Variants in DNM3 observed in about 807,000 individuals in gnomAD.
DNM3 encodes the protein dynamin-3.
A neutral mutation model predicts 101.6 loss-of-function variants in DNM3; 47 were observed. The ratio of observed to expected loss-of-function variants is 0.46; its 90% CI spans 0.37 to 0.59. The LOEUF (loss-of-function observed/expected upper bound fraction) is 0.59. DNM3 is among the 20% of genes least tolerant of loss of function. The pLI, the probability that DNM3 is intolerant of heterozygous loss-of-function variation, is 0.00. For missense variants in DNM3, 849 were observed against 1,085.7 expected, an observed-to-expected ratio of 0.78 and a Z score of 3.06; for synonymous variants, 385 against 387.9, an observed-to-expected ratio of 0.99 and a Z score of 0.09.
chr1:172,016,024 A>T (rs2047428514), intron 4 of DNM3, among the ~76,000 whole-genome samples: 2 of 77,786 alleles, frequency 2.6e-5, no homozygotes, highest in East Asian at 1.1e-3. Context: ...AAAATTACAA[A>T]AAAAAAAAAA....
At chr1:172,401,017 C>T (rs1170434717) in intron 20 of DNM3, among the ~76,000 whole-genome samples, 1 of 152,182 alleles carries the variant, frequency 6.6e-6, no homozygotes. Context: ...TAACTTGTCT[C>T]TCTCCATCTC....
At chr1:172,082,138 C>G (rs2053198884) in intron 12 of DNM3, among the ~76,000 whole-genome samples, 1 of 152,182 alleles carries the variant, frequency 6.6e-6, no homozygotes, top group Non-Finnish European at 1.5e-5. Flanking sequence ...GTATGTCTTA[C>G]ATACTTATCA....
At chr1:172,106,844 A>ATT (rs1289662689) in intron 13 of DNM3, among the ~76,000 whole-genome samples, 2 of 51,052 alleles carry the variant, frequency 3.9e-5, no homozygotes, top group Non-Finnish European at 8.3e-5. Context: ...AGGTAACATT[A>ATT]TTCTTTTTTT....
chr1:172,392,399 A>T (rs1416022507), intron 20 of DNM3, among the ~76,000 whole-genome samples: 3 of 143,522 alleles, frequency 2.1e-5, no homozygotes, highest in African/African-American at 7.5e-5. Flanking sequence ...AAGGGGCTAA[A>T]TGCTGTTTGA....
intron 17 of DNM3, among the ~76,000 whole-genome samples, chr1:172,328,118 A>G (rs2066015775): frequency 6.6e-6 from 1 of 152,172 alleles, no homozygotes; most frequent in South Asian, 2.1e-4. Flanking sequence ...AGCTTATAGT[A>G]GATTATAATA....
intron 14 of DNM3, among the ~76,000 whole-genome samples, chr1:172,186,471 G>C (rs1358507859): frequency 1.3e-5 from 2 of 151,762 alleles, no homozygotes; most frequent in African/African-American, 4.8e-5. Flanking sequence ...AAATAATATA[G>C]AAGAGATATA....
In DNM3 at chr1:172,109,415, G is replaced by A. The variant is rs188897750; in HGVS notation, c.1545+16540G>A. ...GCATTTCATTTTCAAATGCCTGGTC[G>A]CAGGATCCATGTCCTGGAGGAAGGA... On this transcript the variant is annotated intron_variant, in intron 13 of 20. Coordinates refer to ENST00000627582, the MANE Select transcript of DNM3 (RefSeq NM_015569.5). 5.7e-3 allele frequency among the ~76,000 whole-genome samples: 863 copies of A among 152,244 alleles called. 6 individuals are homozygous for A. Among genetic ancestry groups the A allele is most frequent in the Non-Finnish European group, 9.3e-3 (630 of 68,004 alleles).
At chr1:172,243,719 C>T (rs2061833986) in intron 14 of DNM3, among the ~76,000 whole-genome samples, 1 of 152,144 alleles carries the variant, frequency 6.6e-6, no homozygotes, top group Non-Finnish European at 1.5e-5. Context: ...TTAAAAAGTG[C>T]TGTTGATGAG....
At chr1:172,265,236 A>C (rs1406331787) in intron 15 of DNM3, among the ~76,000 whole-genome samples, 1 of 142,636 alleles carries the variant, frequency 7.0e-6, no homozygotes, top group Non-Finnish European at 1.5e-5. Context: ...GGGAATTAAT[A>C]CATTTAACAT....
chr1:172,061,426 T>C (rs2051191743), intron 10 of DNM3, among the ~76,000 whole-genome samples: 1 of 150,546 alleles, frequency 6.6e-6, no homozygotes, highest in South Asian at 2.1e-4. Context: ...CTATTCACAA[T>C]AGCAAAGACT....
intron 15 of DNM3, among the ~76,000 whole-genome samples, chr1:172,265,423 A>T (rs1205833867): frequency 6.6e-6 from 1 of 152,090 alleles, no homozygotes; most frequent in African/African-American, 2.4e-5. Flanking sequence ...TCACACTCAG[A>T]CTGGTTTAGC....
chr1:172,086,848 C>T (rs1321564189), intron 12 of DNM3, among the ~76,000 whole-genome samples: 1 of 152,132 alleles, frequency 6.6e-6, no homozygotes, highest in Non-Finnish European at 1.5e-5. Flanking sequence ...ATAATCTGTG[C>T]TGTTCAGTAC....
chr1:171,886,944 T>C (rs1297581935), intron 1 of DNM3, among the ~76,000 whole-genome samples: 2 of 152,238 alleles, frequency 1.3e-5, no homozygotes, highest in Non-Finnish European at 2.9e-5. Context: ...AAGAAAGTTA[T>C]TTCCCTTTGG....
At chr1:172,277,982 G>A (rs1436421011) in intron 15 of DNM3, among the ~76,000 whole-genome samples, 1 of 152,074 alleles carries the variant, frequency 6.6e-6, no homozygotes, top group Admixed American at 6.6e-5. Flanking sequence ...TGTTCCTAAA[G>A]GAAAGCATCT....
intron 17 of DNM3, among the ~76,000 whole-genome samples, chr1:172,350,187 A>G (rs765522975): frequency 2.6e-5 from 4 of 152,182 alleles, no homozygotes; most frequent in Non-Finnish European, 5.9e-5. Context: ...CAAAGAATAT[A>G]ATAAATGAAA....
chr1:172,064,117 G>T (rs1572343438), intron 10 of DNM3, among the ~76,000 whole-genome samples: 3 of 152,090 alleles, frequency 2.0e-5, no homozygotes, highest in Non-Finnish European at 2.9e-5. Context: ...ATAAATTTAG[G>T]AATGTAATTA....
chr1:172,023,340 G>A (rs1440935994), intron 4 of DNM3, among the ~76,000 whole-genome samples: 2 of 151,950 alleles, frequency 1.3e-5, no homozygotes, highest in South Asian at 2.1e-4. Context: ...CTTTAACAGC[G>A]TTCTTAAAAA....
chr1:171,984,929 A>G (rs187741548), intron 2 of DNM3, among the ~76,000 whole-genome samples: 5 of 152,366 alleles, frequency 3.3e-5, no homozygotes, highest in Admixed American at 1.3e-4. Flanking sequence ...GTCCTGAACA[A>G]TTATCATCTC....
At chr1:172,183,989 C>T (rs561640283) in intron 14 of DNM3, among the ~76,000 whole-genome samples, 1 of 150,680 alleles carries the variant, frequency 6.6e-6, no homozygotes, top group East Asian at 2.0e-4. Context: ...GCAATCATAA[C>T]AATAATAGCA....
Sources: allele counts gnomAD v4.1 joint callset (sites outside exome capture counted in the v4.1 genomes callset), GRCh38; gene constraint gnomAD v4.1.1; transcripts MANE v1.5; gene names NCBI Gene and HGNC (gene_info 2026-07-23, HGNC 2026-07-21).